CNOT6L: variants seen among roughly 807,000 people sequenced by gnomAD.
CNOT6L encodes CCR4-NOT transcription complex subunit 6 like.
Under a neutral mutation model 64.0 loss-of-function variants are expected in CNOT6L, and 7 were observed. The observed-to-expected ratio is 0.11, with a 90% CI of 0.06 to 0.21. The LOEUF is 0.21. Ranked by LOEUF, CNOT6L falls within the 10% of genes least tolerant of loss-of-function variation. The pLI, the probability that CNOT6L is intolerant of heterozygous loss-of-function variation, is 1.00. For missense variants in CNOT6L, 245 were observed against 669.0 expected, an observed-to-expected ratio of 0.37 and a Z score of 6.99; for synonymous variants, 193 against 243.4, an observed-to-expected ratio of 0.79 and a Z score of 1.93.
chr4:77,819,669 GGGAGGCGGCGGCGGCGGTGGC>G (rs1734077845), upstream of CNOT6L: 2 of 151,432 alleles, frequency 1.3e-5, no homozygotes, highest in East Asian at 3.9e-4. Context: ...GCGGCGGCGG[GGGAGGCGGCGGCGGCGGTGGC>G]GGCGGGGCTG....
At chr4:77,765,844 T>C (rs1431574670) in intron 4 of CNOT6L, among the ~76,000 whole-genome samples, 2 of 152,200 alleles carry the variant, frequency 1.3e-5, no homozygotes, top group Non-Finnish European at 2.9e-5. Flanking sequence ...GAAGCAAGAC[T>C]AGTAGCTTTT....
At position 77,739,769 on chromosome 4, in the gene CNOT6L, C is replaced by G. The variant is rs1206855946; in HGVS notation, c.872+2372G>C. Among the ~76,000 whole-genome samples, 3 of 152,166 alleles carry G rather than the reference C, an allele frequency of 2.0e-5. No individual in the cohort carries two copies. In the East Asian group the frequency reaches 5.8e-4, roughly 29 times the overall value. On this transcript the variant is annotated intron_variant, in intron 8 of 11. Coordinates refer to ENST00000504123, the MANE Select transcript of CNOT6L (RefSeq NM_144571.3). ...AAGAAAAGAAAAACAGGTGACACAT[C>G]TAAGTACTTCCTATGTGCTCATTAC...
Position 77,805,645 on chromosome 4 carries a change from A to T in CNOT6L, c.5+13659T>A, listed in dbSNP as rs76365436. Among the ~76,000 whole-genome samples, 119 of 152,338 alleles carry T rather than the reference A, an allele frequency of 7.8e-4. 1 individual carries two copies. The East Asian group carries it at 0.022, about 28-fold the overall frequency. ...TAGACTCATTGCAAGACGTTACTTA[A>T]CAGTATTAGTAGAGAAGCATATATA... On this transcript the variant is annotated intron_variant, in intron 1 of 11. Coordinates refer to ENST00000504123, the MANE Select transcript of CNOT6L (RefSeq NM_144571.3).
In CNOT6L at chr4:77,714,028, G is replaced by A. The variant is rs919744386; in HGVS notation, c.*6403C>T. 2 of 152,516 alleles carry A rather than the reference G, an allele frequency of 1.3e-5. No homozygotes were observed. Among genetic ancestry groups the A allele is most frequent in the African/African-American group, 4.8e-5 (2 of 41,422 alleles). The allele number at this position is 152,516 out of a possible 1,614,324, so 9.4% of individuals were successfully genotyped here. ...GGCTTTTTCTTAGAACAAAAGCAAAGTAAATATACAACCTAAAACAGCAGA... is the reference window on the plus strand; with the variant it reads ...GGCTTTTTCTTAGAACAAAAGCAAAATAAATATACAACCTAAAACAGCAGA... On this transcript the variant is annotated 3_prime_UTR_variant, in exon 12 of 12. Transcript: ENST00000504123.
intron 1 of CNOT6L, among the ~76,000 whole-genome samples, chr4:77,809,864 A>G (rs188523886): frequency 5.5e-4 from 84 of 152,270 alleles, no homozygotes; most frequent in African/African-American, 1.9e-3. Flanking sequence ...TATAAGGAAC[A>G]TAAAGTGTTT....
At chr4:77,790,666 T>A (rs1730023469) in intron 1 of CNOT6L, among the ~76,000 whole-genome samples, 1 of 152,260 alleles carries the variant, frequency 6.6e-6, no homozygotes, top group South Asian at 2.1e-4. Flanking sequence ...TAAAAAGGCA[T>A]TTGACTATAT....
intron 4 of CNOT6L, among the ~76,000 whole-genome samples, chr4:77,759,575 G>GA (rs35125491): frequency 0.31 from 43,250 of 140,578 alleles, 7,123 homozygotes; most frequent in East Asian, 0.64. Context: ...CAAAAAAGAA[G>GA]AAAAAAAAAA....
chr4:77,749,371 G>A (rs1483471122), intron 5 of CNOT6L, among the ~76,000 whole-genome samples: 1 of 152,096 alleles, frequency 6.6e-6, no homozygotes, highest in East Asian at 1.9e-4. Flanking sequence ...CAATCTTCTG[G>A]CTATGTGAGT....
chr4:77,754,604 C>G (rs1259942683), intron 5 of CNOT6L, among the ~76,000 whole-genome samples: 1 of 151,946 alleles, frequency 6.6e-6, no homozygotes, highest in Non-Finnish European at 1.5e-5. Flanking sequence ...GATGCCAGAA[C>G]TAGCCAAAAT....
chr4:77,772,391 T>TA (rs1465976002), intron 4 of CNOT6L, among the ~76,000 whole-genome samples: 1 of 152,100 alleles, frequency 6.6e-6, no homozygotes, highest in African/African-American at 2.4e-5. Context: ...CACACACGGC[T>TA]AATTTTGTAT....
intron 8 of CNOT6L, among the ~76,000 whole-genome samples, chr4:77,737,865 G>A (rs926078006): frequency 2.6e-5 from 4 of 152,180 alleles, no homozygotes; most frequent in Middle Eastern, 3.4e-3. Context: ...AGGTTGAATA[G>A]AAATTACCAG....
intron 4 of CNOT6L, among the ~76,000 whole-genome samples, chr4:77,766,455 C>T (rs1372719631): frequency 6.6e-6 from 1 of 151,556 alleles, no homozygotes; most frequent in African/African-American, 2.4e-5. Flanking sequence ...GAAGTACGCC[C>T]AGTATTAATG....
At chr4:77,724,884 G>A (rs1721664058) in intron 11 of CNOT6L, among the ~76,000 whole-genome samples, 1 of 152,128 alleles carries the variant, frequency 6.6e-6, no homozygotes. Context: ...GCAATGATGT[G>A]CTAGAGTCAG....
chr4:77,772,787 G>C (rs1727721823), intron 4 of CNOT6L, among the ~76,000 whole-genome samples: 1 of 152,112 alleles, frequency 6.6e-6, no homozygotes, highest in Non-Finnish European at 1.5e-5. Flanking sequence ...GCCGGGCATG[G>C]TGGCGAGCGC....
chr4:77,818,253 G>A (rs1334527354), intron 1 of CNOT6L, among the ~76,000 whole-genome samples: 2 of 152,286 alleles, frequency 1.3e-5, no homozygotes, highest in Non-Finnish European at 1.5e-5. Flanking sequence ...ATAGCCGACC[G>A]AGTTAAGCAG....
At chr4:77,819,249 C>T (rs766787052) in intron 1 of CNOT6L, 55 bp downstream of exon 1, 1 of 1,613,312 alleles carries the variant, frequency 6.2e-7, no homozygotes, top group South Asian at 1.1e-5. Flanking sequence ...TCCCCGGGGA[C>T]GCGCTCCTCT....
intron 1 of CNOT6L, among the ~76,000 whole-genome samples, chr4:77,817,375 G>A (rs1733697372): frequency 6.6e-6 from 1 of 151,822 alleles, no homozygotes; most frequent in Non-Finnish European, 1.5e-5. Context: ...TCTTTTTTAC[G>A]TTATAGTTAC....
intron 3 of CNOT6L, among the ~76,000 whole-genome samples, chr4:77,773,451 CCT>C (rs1329289656): frequency 5.9e-5 from 9 of 152,256 alleles, no homozygotes; most frequent in African/African-American, 1.9e-4. Flanking sequence ...AAATCTACCC[CCT>C]TTTTTCTCAC....
At chr4:77,798,914 G>C (rs1020389341) in intron 1 of CNOT6L, among the ~76,000 whole-genome samples, 39 of 152,028 alleles carry the variant, frequency 2.6e-4, no homozygotes, top group African/African-American at 8.4e-4. Context: ...GGGAGGTCAA[G>C]GCTAGAGTGT....
Sources: allele counts gnomAD v4.1 joint callset (sites outside exome capture counted in the v4.1 genomes callset), GRCh38; gene constraint gnomAD v4.1.1; transcripts MANE v1.5; gene names NCBI Gene and HGNC (gene_info 2026-07-23, HGNC 2026-07-21).